The following EIPR1 variants were observed in gnomAD, a reference collection of about 807,000 sequenced individuals.
EIPR1 encodes the protein EARP and GARP complex-interacting protein 1.
Under a neutral mutation model 48.1 loss-of-function variants are expected in EIPR1, and 25 were observed. The ratio of observed to expected loss-of-function variants is 0.52; its 90% CI spans 0.38 to 0.73. EIPR1 has a LOEUF of 0.73. Ranked by LOEUF, EIPR1 falls within the 30% of genes least tolerant of loss-of-function variation. The probability of loss-of-function intolerance (pLI) is 0.00; values close to 1 mark genes in which losing one functional copy is unlikely to be tolerated. For synonymous variants in EIPR1, 204 were observed against 201.9 expected, an observed-to-expected ratio of 1.01 and a Z score of -0.09; for missense variants, 415 against 506.2, an observed-to-expected ratio of 0.82 and a Z score of 1.73.
chr2:3,257,172 A>G (rs1667183110), intron 4 of EIPR1, 127 bp downstream of exon 4: 4 of 1,103,380 alleles, frequency 3.6e-6, no homozygotes, highest in Non-Finnish European at 4.9e-6. Context: ...AAATTCTCGC[A>G]GCTTTTTAAA....
At chr2:3,339,559 A>G (rs1344931582) in intron 2 of EIPR1, among the ~76,000 whole-genome samples, 2 of 152,146 alleles carry the variant, frequency 1.3e-5, no homozygotes, top group African/African-American at 4.8e-5. Flanking sequence ...AGGTGACTGG[A>G]TCATGGGGGA....
chr2:3,208,653 G>A, intron 5 of EIPR1: 1 of 1,550,570 alleles, frequency 6.4e-7, no homozygotes, highest in Non-Finnish European at 8.7e-7. Flanking sequence ...TTGGCATATG[G>A]CTGACTTCTT....
Position 3,257,321 on chromosome 2 carries a change from T to C in EIPR1, c.394A>G (p.Thr132Ala). The C allele has an allele frequency of 6.2e-7, 1 of 1,613,984 alleles. No individual in the cohort carries two copies. Among genetic ancestry groups the C allele is most frequent in the Non-Finnish European group, 8.5e-7 (1 of 1,179,928 alleles). The part of the protein sequence containing the change: ...TLELLCHLDN[T>A]AHGNMACVVW... ...TACCAGGCCATGTTGCCATGGGCTGTGTTGTCAAGGTGACAGAGCAGCTCC... is the reference window on the plus strand; with the variant it reads ...TACCAGGCCATGTTGCCATGGGCTGCGTTGTCAAGGTGACAGAGCAGCTCC... The change falls in exon 4 of 9, where the codon ACA becomes GCA. Residue 132 changes from threonine to alanine, a missense_variant. By Grantham distance (58) the Thr-to-Ala change is moderately conservative. Transcript: ENST00000382125.
At chr2:3,279,380 G>A (rs372246632) in intron 3 of EIPR1, among the ~76,000 whole-genome samples, 133 of 152,300 alleles carry the variant, frequency 8.7e-4, no homozygotes, top group African/African-American at 2.8e-3. Flanking sequence ...GGTCGGAATA[G>A]TCTGTCACCT....
intron 4 of EIPR1, among the ~76,000 whole-genome samples, chr2:3,221,821 A>C (rs934300711): frequency 3.5e-5 from 5 of 144,462 alleles, no homozygotes; most frequent in African/African-American, 1.4e-4. Flanking sequence ...TGAGGACACA[A>C]GCCCACAATG....
In EIPR1 at chr2:3,257,378, G is replaced by C; in HGVS notation, c.337C>G (p.Pro113Ala). The C allele has an allele frequency of 6.2e-7, 1 of 1,614,182 alleles. No individual in the cohort carries two copies. Among genetic ancestry groups the C allele is most frequent in the South Asian group, 1.1e-5 (1 of 91,082 alleles). ...KELESGSHESPDDSSSTAQTL... is the reference protein window; with the variant it reads ...KELESGSHESADDSSSTAQTL... Reference sequence around the variant, plus strand: ...TGTGCAGTGCTGGATGAATCATCAGGGGACTCGTGGCTGCCTGATTCCAAT... The same window carrying C: ...TGTGCAGTGCTGGATGAATCATCAGCGGACTCGTGGCTGCCTGATTCCAAT... Residue 113 changes from proline to alanine, a missense_variant, in exon 4 of 9, where the codon CCT becomes GCT. Physicochemically the swap from Pro to Ala is conservative, Grantham distance 27. Coordinates refer to ENST00000382125, the MANE Select transcript of EIPR1 (RefSeq NM_003310.5).
intron 3 of EIPR1, among the ~76,000 whole-genome samples, chr2:3,270,160 G>A (rs1446083213): frequency 2.6e-5 from 4 of 152,204 alleles, no homozygotes; most frequent in Admixed American, 2.6e-4. Flanking sequence ...ACCAGGACTT[G>A]GAAAGCACAA....
chr2:3,366,555 C>G (rs1670977541), intron 1 of EIPR1, among the ~76,000 whole-genome samples: 1 of 152,058 alleles, frequency 6.6e-6, no homozygotes, highest in Non-Finnish European at 1.5e-5. Context: ...AAATTAAATT[C>G]AAAGCTGCAA....
intron 1 of EIPR1, among the ~76,000 whole-genome samples, chr2:3,372,716 T>A (rs1226981674): frequency 1.3e-5 from 2 of 151,984 alleles, no homozygotes; most frequent in Non-Finnish European, 1.5e-5. Context: ...AATAATAGGA[T>A]CTGAAATTGT....
chr2:3,331,271 G>C (rs71444252), intron 3 of EIPR1, among the ~76,000 whole-genome samples: 2,629 of 89,770 alleles, frequency 0.029, 147 homozygotes, highest in African/African-American at 0.038. Context: ...GAGATGGTGT[G>C]AGCAGAGGCA....
rs371599480 is a variant in EIPR1 at position 3,352,530 on chromosome 2, C to T, written c.126+2020G>A. Among the ~76,000 whole-genome samples, 33 of 152,366 alleles carry T rather than the reference C, an allele frequency of 2.2e-4. No individual in the cohort carries two copies. The South Asian group carries it at 5.8e-3, about 27-fold the overall frequency. ...ACCCACACTGTCTGTTCCTGACATC[C>T]AACCATCAACACCTTATGGCTTGAT... is the stretch of plus-strand genomic sequence containing the variant. On this transcript the variant is annotated intron_variant, in intron 2 of 8. Transcript: ENST00000382125.
chr2:3,354,664 T>A, intron 1 of EIPR1, 31 bp from the exon 2 acceptor site: 1 of 1,602,186 alleles, frequency 6.2e-7, no homozygotes, highest in Non-Finnish European at 8.5e-7. Context: ...ACATGCACAT[T>A]TATGAAGTTA....
At chr2:3,207,490 G>A (rs1191341183) in intron 5 of EIPR1, among the ~76,000 whole-genome samples, 1 of 152,226 alleles carries the variant, frequency 6.6e-6, no homozygotes, top group Non-Finnish European at 1.5e-5. Context: ...GATACTGCAG[G>A]CCCTATAACC....
At chr2:3,331,202 A>C (rs890493632) in intron 3 of EIPR1, among the ~76,000 whole-genome samples, 1 of 104,836 alleles carries the variant, frequency 9.5e-6, no homozygotes, top group Non-Finnish European at 1.8e-5. Flanking sequence ...GTGTGAGCAG[A>C]GGCAGGTGTG....
At chr2:3,296,830 C>G (rs1471112854) in intron 3 of EIPR1, among the ~76,000 whole-genome samples, 2 of 152,278 alleles carry the variant, frequency 1.3e-5, no homozygotes, top group Non-Finnish European at 2.9e-5. Context: ...CACCCACACA[C>G]TGCCCATCCA....
chr2:3,339,924 TG>T (rs1454581824), intron 2 of EIPR1, among the ~76,000 whole-genome samples: 1 of 152,232 alleles, frequency 6.6e-6, no homozygotes, highest in Admixed American at 6.5e-5. Flanking sequence ...CACTCCAGCC[TG>T]GGCGACAGAG....
In EIPR1 at chr2:3,208,778, T is replaced by G. The variant is rs1343245782; in HGVS notation, c.516+5371A>C. On this transcript the variant is annotated intron_variant, in intron 5 of 8. Coordinates refer to ENST00000382125, the MANE Select transcript of EIPR1 (RefSeq NM_003310.5). Reference sequence around the variant, plus strand: ...GAGGCCCGTGGCGAGTCCTTCTTCCTTGAGTGAGGCTCGTGGCAGGTCCTC... The same window carrying G: ...GAGGCCCGTGGCGAGTCCTTCTTCCGTGAGTGAGGCTCGTGGCAGGTCCTC... 4 of 1,548,408 alleles carry G rather than the reference T, an allele frequency of 2.6e-6. No individual in the cohort carries two copies. The African/African-American group carries it at 5.5e-5, about 21-fold the overall frequency.
intron 3 of EIPR1, among the ~76,000 whole-genome samples, chr2:3,324,976 A>C (rs1669650315): frequency 6.6e-6 from 1 of 152,226 alleles, no homozygotes. Context: ...CACCCTCAGC[A>C]AGGCCAAAGA....
chr2:3,296,624 TAC>T (rs201867220), intron 3 of EIPR1, among the ~76,000 whole-genome samples: 3 of 134,960 alleles, frequency 2.2e-5, no homozygotes, highest in Non-Finnish European at 3.1e-5. Flanking sequence ...CCATCCTCTC[TAC>T]ACACATACAC....
Sources: gnomAD v4.1 joint callset for allele counts (sites outside exome capture counted in the v4.1 genomes callset) on GRCh38, gnomAD v4.1.1 for gene constraint, MANE v1.5 for transcripts, NCBI Gene and HGNC (gene_info 2026-07-23, HGNC 2026-07-21) for gene names.